NIN: variants seen among roughly 807,000 people sequenced by gnomAD.
NIN encodes glycogen synthase kinase 3 beta-interacting protein.
Under a neutral mutation model 257.6 loss-of-function variants are expected in NIN, and 137 were observed. That is an observed-to-expected ratio of 0.53 (90% confidence interval 0.46 to 0.61). NIN has a LOEUF of 0.61. Ranked by LOEUF, NIN falls within the 20% of genes least tolerant of loss-of-function variation. NIN has a pLI of 0.00. For synonymous variants in NIN, 918 were observed against 919.8 expected, an observed-to-expected ratio of 1.00 and a Z score of 0.04; for missense variants, 2,439 against 2,501.2, an observed-to-expected ratio of 0.98 and a Z score of 0.53.
chr14:50,772,523 A>G, intron 8 of NIN, 55 bp from the exon 9 acceptor site: 1 of 1,560,216 alleles, frequency 6.4e-7, no homozygotes, highest in Non-Finnish European at 8.8e-7. Context: ...CATTTCAACA[A>G]GATATTGGTC....
intron 2 of NIN, among the ~76,000 whole-genome samples, chr14:50,829,568 T>C (rs2142596394): frequency 6.6e-6 from 1 of 152,298 alleles, no homozygotes; most frequent in East Asian, 1.9e-4. Context: ...GCAATCTGTT[T>C]CGATGTAATA....
intron 22 of NIN, 124 bp downstream of exon 22, chr14:50,747,868 A>G (rs960383033): frequency 4.8e-5 from 32 of 672,494 alleles, no homozygotes; most frequent in Admixed American, 1.0e-4. Flanking sequence ...GTATGTCCTC[A>G]GCTACCAAGC....
At chr14:50,803,903 C>CTT (rs201026801) in intron 4 of NIN, among the ~76,000 whole-genome samples, 44 of 142,744 alleles carry the variant, frequency 3.1e-4, no homozygotes, top group East Asian at 1.2e-3. Flanking sequence ...CTTTTTTCTT[C>CTT]TTTTTTTTTT....
chr14:50,748,886 C>G (rs1222099111), intron 21 of NIN, among the ~76,000 whole-genome samples: 1 of 152,120 alleles, frequency 6.6e-6, no homozygotes, highest in Non-Finnish European at 1.5e-5. Context: ...CCATACTGCC[C>G]AAAGTAATTT....
At chr14:50,727,609 CTGTGTGTGG>C in intron 29 of NIN, 1 of 1,429,012 alleles carries the variant, frequency 7.0e-7, no homozygotes, top group South Asian at 1.2e-5. Flanking sequence ...GCTTATGTCT[CTGTGTGTGG>C]TGTGTGTGCA....
At position 50,778,668 on chromosome 14, in the gene NIN, C is replaced by T. The variant is rs991044642; in HGVS notation, c.475+97G>A. On this transcript the variant is annotated intron_variant, in intron 6 of 30. Coordinates refer to ENST00000530997, the MANE Select transcript of NIN (RefSeq NM_020921.4). ...GTTGCTGTTGTTCTTAATGTTAATT[C>T]CCCTGGCCTGCAGCATAAGAGATCA... The T allele has an allele frequency of 3.7e-5, 38 of 1,032,842 alleles. No individual in the cohort carries two copies. In the Admixed American group the frequency reaches 6.7e-4, roughly 18 times the overall value. 64.0% of individuals were successfully genotyped at this position (1,032,842 alleles called of 1,614,324 possible).
intron 28 of NIN, among the ~76,000 whole-genome samples, chr14:50,730,534 T>C (rs1162597868): frequency 6.9e-6 from 1 of 145,240 alleles, no homozygotes; most frequent in East Asian, 2.0e-4. Flanking sequence ...AAAGGACCTC[T>C]AAGACTCGGC....
intron 2 of NIN, among the ~76,000 whole-genome samples, chr14:50,822,995 C>G (rs1436279368): frequency 6.6e-6 from 1 of 152,136 alleles, no homozygotes; most frequent in East Asian, 1.9e-4. Flanking sequence ...CCTGGTTAAC[C>G]TGTGTTCCGT....
At chr14:50,774,039 C>G (rs2042831614) in intron 7 of NIN, among the ~76,000 whole-genome samples, 1 of 152,204 alleles carries the variant, frequency 6.6e-6, no homozygotes, top group Non-Finnish European at 1.5e-5. Flanking sequence ...ATGGAAATCT[C>G]TTGGAGAGCT....
intron 3 of NIN, among the ~76,000 whole-genome samples, chr14:50,811,870 T>C (rs2044637435): frequency 6.6e-6 from 1 of 151,750 alleles, no homozygotes; most frequent in Non-Finnish European, 1.5e-5. Flanking sequence ...GGCGGGCGCC[T>C]GTAGTCCCAG....
At chr14:50,792,621 A>T (rs1363308403) in intron 5 of NIN, 91 bp downstream of exon 5, 12 of 1,421,304 alleles carry the variant, frequency 8.4e-6, no homozygotes, top group Non-Finnish European at 1.2e-5. Flanking sequence ...ACATCGTGCC[A>T]TCAACCCCCT....
chr14:50,750,795 C>T (rs1026356176), intron 21 of NIN, among the ~76,000 whole-genome samples: 4 of 152,074 alleles, frequency 2.6e-5, no homozygotes, highest in African/African-American at 9.7e-5. Context: ...GTATGTGAAA[C>T]GTTACTATGG....
At chr14:50,820,195 A>T (rs1176384500) in intron 3 of NIN, among the ~76,000 whole-genome samples, 1 of 152,184 alleles carries the variant, frequency 6.6e-6, no homozygotes, top group Non-Finnish European at 1.5e-5. Flanking sequence ...CACACTATAG[A>T]CCACTTAAGT....
At position 50,761,898 on chromosome 14, in the gene NIN, T is replaced by G; in HGVS notation, c.1788A>C (p.Glu596Asp). 1 of 1,614,138 alleles carries G rather than the reference T, an allele frequency of 6.2e-7. No homozygotes were observed. The highest frequency in any genetic ancestry group is 8.5e-7 in the Non-Finnish European group (1 of 1,180,004). Residue 596 changes from glutamate to aspartate, a missense_variant, in exon 16 of 31, where the codon GAA becomes GAC. Coordinates refer to ENST00000530997, the MANE Select transcript of NIN (RefSeq NM_020921.4). The stretch of plus-strand genomic sequence containing the variant: ...TGCTCATATTCAATGGATTGCATTC[T>G]TCAGAACCGAGCCCTGAAAACACAT... ...GIEPEHGLGSEECNPLNMSIE... is the reference protein window; with the variant it reads ...GIEPEHGLGSDECNPLNMSIE...
In NIN at chr14:50,723,142, TAAAAA is replaced by T; in HGVS notation, c.*316_*320del. 3.9e-6 allele frequency: 1 copy of T among 253,376 alleles called. No individual in the cohort carries two copies. The allele number at this position is 253,376 out of a possible 1,614,324, so 15.7% of individuals were successfully genotyped here. ...ATTTTACACATAGATTTGTAATAAT[TAAAAA>T]AAAAACCAAAACCACAAAAACTCAT... is the stretch of plus-strand genomic sequence containing the variant. On this transcript the variant is annotated 3_prime_UTR_variant, in exon 31 of 31. Coordinates refer to ENST00000530997, the MANE Select transcript of NIN (RefSeq NM_020921.4).
At chr14:50,733,790 C>T (rs2140401382) in intron 28 of NIN, among the ~76,000 whole-genome samples, 1 of 152,280 alleles carries the variant, frequency 6.6e-6, no homozygotes, top group South Asian at 2.1e-4. Flanking sequence ...AGCATGTCTA[C>T]ATCTAAGTAC....
intron 2 of NIN, among the ~76,000 whole-genome samples, chr14:50,824,461 G>A (rs1392440425): frequency 1.3e-5 from 2 of 152,138 alleles, no homozygotes; most frequent in Admixed American, 1.3e-4. Context: ...AAATGCTCAC[G>A]CTGAAACATC....
At position 50,809,382 on chromosome 14, in the gene NIN, A is replaced by C. The variant is rs371810179; in HGVS notation, c.184-2564T>G. ...TGCAGAGTTGCCCAGCATCAAAGAA[A>C]CTGATCCAGTTTGCTATATTTAGGG... On this transcript the variant is annotated intron_variant, in intron 3 of 30. Coordinates refer to ENST00000530997, the MANE Select transcript of NIN (RefSeq NM_020921.4). Among the ~76,000 whole-genome samples, 4 of 152,090 alleles carry C rather than the reference A, an allele frequency of 2.6e-5. No homozygotes were observed. The East Asian group carries it at 7.7e-4, about 29-fold the overall frequency.
intron 5 of NIN, among the ~76,000 whole-genome samples, chr14:50,780,466 G>A (rs1025978849): frequency 6.6e-6 from 1 of 152,172 alleles, no homozygotes; most frequent in East Asian, 1.9e-4. Flanking sequence ...GGTATGGCAC[G>A]TAAAATTTTT....
Sources: gnomAD v4.1 joint callset for allele counts (sites outside exome capture counted in the v4.1 genomes callset) on GRCh38, gnomAD v4.1.1 for gene constraint, MANE v1.5 for transcripts, NCBI Gene and HGNC (gene_info 2026-07-23, HGNC 2026-07-21) for gene names.